BICD2: variants seen among roughly 807,000 people sequenced by gnomAD.
BICD2 encodes protein bicaudal D homolog 2.
In BICD2, 25 loss-of-function variants were observed where a neutral mutation model predicts 72.9. The observed-to-expected ratio is 0.34, with a 90% CI of 0.25 to 0.48. The LOEUF (loss-of-function observed/expected upper bound fraction) is 0.48, where lower values mean the gene tolerates loss of function less well. BICD2 is among the 20% of genes least tolerant of loss of function. BICD2 has a pLI of 0.99. For missense variants in BICD2, 894 were observed against 1,175.2 expected, an observed-to-expected ratio of 0.76 and a Z score of 3.50; for synonymous variants, 501 against 516.1, an observed-to-expected ratio of 0.97 and a Z score of 0.40.
chr9:92,746,704 C>T (rs998706172), intron 1 of BICD2, among the ~76,000 whole-genome samples: 6 of 152,100 alleles, frequency 3.9e-5, no homozygotes, highest in Admixed American at 3.9e-4. Context: ...ATACAAGTAA[C>T]CGTCGTGATG....
rs1290964313 is a variant in BICD2 at position 92,712,201 on chromosome 9, G to A, written c.*2953C>T. On this transcript the variant is annotated 3_prime_UTR_variant, in exon 7 of 7. Transcript: ENST00000356884. Reference sequence around the variant, plus strand: ...CATTTGGTTCCCAAAGCACACTCAAGGTTTTGTGTTTGCTTTCATTTTCTA... The same window carrying A: ...CATTTGGTTCCCAAAGCACACTCAAAGTTTTGTGTTTGCTTTCATTTTCTA... The A allele has an allele frequency of 6.6e-6, 1 of 152,614 alleles. No homozygotes were observed. The highest frequency in any genetic ancestry group is 1.5e-5 in the Non-Finnish European group (1 of 68,034). The allele number at this position is 152,614 out of a possible 1,614,324, so 9.5% of individuals were successfully genotyped here.
In BICD2 at chr9:92,713,581, ACCTGCATGTGTTAGCAGGGGT is replaced by A; in HGVS notation, c.*1552_*1572del. On this transcript the variant is annotated 3_prime_UTR_variant, in exon 7 of 7. Coordinates refer to ENST00000356884, the MANE Select transcript of BICD2 (RefSeq NM_001003800.2). ...AGCACGTTAGTTGGCAGAAGAGAAG[ACCTGCATGTGTTAGCAGGGGT>A]CCCAGTGGCTTGGGTGTCTGCAAAG... 13 of 1,540,128 alleles carry A rather than the reference ACCTGCATGTGTTAGCAGGGGT, an allele frequency of 8.4e-6. No homozygotes were observed. Among genetic ancestry groups the A allele is most frequent in the Non-Finnish European group, 1.1e-5 (13 of 1,139,850 alleles).
Position 92,713,753 on chromosome 9 carries a change from G to T in BICD2, c.*1401C>A, listed in dbSNP as rs904201924. 8 of 1,325,676 alleles carry T rather than the reference G, an allele frequency of 6.0e-6. No homozygotes were observed. The Admixed American group carries it at 2.5e-4, about 42-fold the overall frequency. The allele number at this position is 1,325,676 out of a possible 1,614,324, so 82.1% of individuals were successfully genotyped here. ...GCTGGGGCAGGGGGATCTGGGCCCA[G>T]GATGAACACGCAGGGGACATACATG... is the stretch of plus-strand genomic sequence containing the variant. On this transcript the variant is annotated 3_prime_UTR_variant, in exon 7 of 7. Transcript: ENST00000356884.
At chr9:92,715,991 C>T (rs993302605) in intron 6 of BICD2, among the ~76,000 whole-genome samples, 2 of 152,240 alleles carry the variant, frequency 1.3e-5, no homozygotes, top group East Asian at 3.9e-4. Context: ...CGTGTGTGGA[C>T]GCCATCAACA....
In BICD2 at chr9:92,717,963, T is replaced by C. The variant is rs201695979; in HGVS notation, c.2107-15A>G. Reference sequence around the variant, plus strand: ...ACCTCGGCCGTCTGGGGGACAGATGTGTAGGGTGGAAAAGTGAAAGGCGTG... The same window carrying C: ...ACCTCGGCCGTCTGGGGGACAGATGCGTAGGGTGGAAAAGTGAAAGGCGTG... On this transcript the variant is annotated splice_polypyrimidine_tract_variant and intron_variant, in intron 5 of 6. Coordinates refer to ENST00000356884, the MANE Select transcript of BICD2 (RefSeq NM_001003800.2). 9.3e-6 allele frequency: 15 copies of C among 1,610,258 alleles called. No individual in the cohort carries two copies. The highest frequency in any genetic ancestry group is 3.7e-4 in the Middle Eastern group (2 of 5,460).
intron 1 of BICD2, among the ~76,000 whole-genome samples, chr9:92,763,031 T>C (rs1854402724): frequency 2.0e-5 from 3 of 152,158 alleles, no homozygotes; most frequent in South Asian, 4.1e-4. Flanking sequence ...CTCACCCCTC[T>C]TGTAGCTCCA....
At position 92,713,574 on chromosome 9, in the gene BICD2, A is replaced by G. The variant is rs1853236516; in HGVS notation, c.*1580T>C. 4 of 1,542,634 alleles carry G rather than the reference A, an allele frequency of 2.6e-6. No homozygotes were observed. Among genetic ancestry groups the G allele is most frequent in the Non-Finnish European group, 3.5e-6 (4 of 1,141,602 alleles). ...GGGCGCGAGCACGTTAGTTGGCAGA[A>G]GAGAAGACCTGCATGTGTTAGCAGG... On this transcript the variant is annotated 3_prime_UTR_variant, in exon 7 of 7. Transcript: ENST00000356884.
At position 92,713,386 on chromosome 9, in the gene BICD2, G is replaced by C; in HGVS notation, c.*1768C>G. ...GGTTGCCCTTCCTTCCTCCTTGTGGGCCACGAGAGGGAAGGGGAAGGGGCT... is the reference window on the plus strand; with the variant it reads ...GGTTGCCCTTCCTTCCTCCTTGTGGCCCACGAGAGGGAAGGGGAAGGGGCT... On this transcript the variant is annotated 3_prime_UTR_variant, in exon 7 of 7. Coordinates refer to ENST00000356884, the MANE Select transcript of BICD2 (RefSeq NM_001003800.2). 1 of 1,514,770 alleles carries C rather than the reference G, an allele frequency of 6.6e-7. No homozygotes were observed. Among genetic ancestry groups the C allele is most frequent in the South Asian group, 1.2e-5 (1 of 84,094 alleles). The allele number at this position is 1,514,770 out of a possible 1,614,324, so 93.8% of individuals were successfully genotyped here. A position where few individuals can be genotyped will look rare whatever the true frequency, so the allele number is the denominator to read the frequency against.
chr9:92,733,587 T>C (rs1203674236), intron 1 of BICD2, among the ~76,000 whole-genome samples: 2 of 151,690 alleles, frequency 1.3e-5, no homozygotes, highest in African/African-American at 4.8e-5. Context: ...TGCAAAATAA[T>C]GAAGCTGAAC....
chr9:92,758,891 G>A (rs894566078), intron 1 of BICD2, among the ~76,000 whole-genome samples: 2 of 151,412 alleles, frequency 1.3e-5, no homozygotes, highest in African/African-American at 4.9e-5. Flanking sequence ...AGGCGTGGTA[G>A]CTCACATCTC....
intron 1 of BICD2, among the ~76,000 whole-genome samples, chr9:92,761,010 C>T (rs536872919): frequency 2.0e-5 from 3 of 152,322 alleles, no homozygotes; most frequent in East Asian, 1.9e-4. Context: ...CTGCCAATCA[C>T]CCTATTGCCC....
At chr9:92,758,978 TGA>T (rs1472087452) in intron 1 of BICD2, among the ~76,000 whole-genome samples, 4 of 152,092 alleles carry the variant, frequency 2.6e-5, no homozygotes, top group Non-Finnish European at 4.4e-5. Flanking sequence ...GGCAACACAG[TGA>T]GACCCTGACT....
Position 92,725,256 on chromosome 9 carries a change from C to A in BICD2, c.454-2448G>T, listed in dbSNP as rs1186998703. ...GCCCAGGCAAGGTGTACTAGGAGTT[C>A]TGTCCTTGCACCACTGCCAAACCCA... On this transcript the variant is annotated intron_variant, in intron 2 of 6. Coordinates refer to ENST00000356884, the MANE Select transcript of BICD2 (RefSeq NM_001003800.2). 3.3e-5 allele frequency among the ~76,000 whole-genome samples: 5 copies of A among 152,360 alleles called. No homozygotes were observed. The South Asian group carries it at 6.2e-4, about 19-fold the overall frequency.
chr9:92,720,735 C>T lies in BICD2; in HGVS notation c.627G>A (p.Lys209=), dbSNP rs1853448701. ...RQNQVEFEGL[K]HEIKRLEEET... ...CCTCCTCCAGACGCTTGATCTCATG[C>T]TTGAGGCCCTCAAACTCCACCTGGG... Residue 209 remains lysine, a synonymous_variant, in exon 4 of 7, where the codon AAG becomes AAA. Transcript: ENST00000356884. This position sits in a 1 kb window ranked among gnomAD's most constrained non-coding sequence, Gnocchi z 5.4. The T allele has an allele frequency of 1.2e-6, 2 of 1,613,758 alleles. No individual in the cohort carries two copies. The highest frequency in any genetic ancestry group is 1.7e-6 in the Non-Finnish European group (2 of 1,179,738).
In BICD2 at chr9:92,718,824, G is replaced by A; in HGVS notation, c.1821C>T (p.Pro607=). The stretch of plus-strand genomic sequence containing the variant: ...GTGATGGCAGTGAGGAGCCAGGCGA[G>A]GGGCTGCTGTCCCCCGTCCCACCAT... ...RADGGTGDSS[P]SPGSSLPSPL... is the part of the protein sequence containing the mutation. Residue 607 remains proline, a synonymous_variant, in exon 5 of 7, where the codon CCC becomes CCT. Coordinates refer to ENST00000356884, the MANE Select transcript of BICD2 (RefSeq NM_001003800.2). The A allele has an allele frequency of 1.2e-6, 2 of 1,612,126 alleles. No individual in the cohort carries two copies. The highest frequency in any genetic ancestry group is 1.7e-6 in the Non-Finnish European group (2 of 1,179,442).
intron 1 of BICD2, 117 bp from the exon 2 acceptor site, chr9:92,729,353 T>G: frequency 1.7e-6 from 2 of 1,147,558 alleles, no homozygotes; most frequent in Non-Finnish European, 2.5e-6. Context: ...ACGGGGACTG[T>G]GGGCCTGAAG....
At chr9:92,723,570 G>A (rs149591992) in intron 2 of BICD2, among the ~76,000 whole-genome samples, 2,885 of 152,290 alleles carry the variant, frequency 0.019, 39 homozygotes, top group Non-Finnish European at 0.029. Flanking sequence ...AGGGGGATGG[G>A]GAGTGACTGA....
In BICD2 at chr9:92,720,809, G is replaced by C. The variant is rs1395242453; in HGVS notation, c.607-54C>G. On this transcript the variant is annotated intron_variant, in intron 3 of 6. Coordinates refer to ENST00000356884, the MANE Select transcript of BICD2 (RefSeq NM_001003800.2). This position sits in a 1 kb window ranked among gnomAD's most constrained non-coding sequence, Gnocchi z 5.4. ...CAATGCAATGTGGAAGCTCCTTTCA[G>C]GCCCCATAAATGAAGAAAACACACC... The C allele has an allele frequency of 6.4e-7, 1 of 1,557,612 alleles. No homozygotes were observed. Among genetic ancestry groups the C allele is most frequent in the East Asian group, 2.3e-5 (1 of 44,358 alleles).
rs2131542346 is a variant in BICD2, at chr9:92,764,366, C to T, written c.240+139G>A. On this transcript the variant is annotated intron_variant, in intron 1 of 6. Transcript: ENST00000356884. The surrounding 1 kb of genome is among the most constrained non-coding windows in gnomAD (Gnocchi z 5.5). ...AGGCCGGGCCCACTCCCACATACTG[C>T]CCGTGCCCCCTCCGCCCCGGCGGCC... 2 of 1,231,386 alleles carry T rather than the reference C, an allele frequency of 1.6e-6. No homozygotes were observed. Among genetic ancestry groups the T allele is most frequent in the African/African-American group, 3.2e-5 (2 of 62,250 alleles). 76.3% of individuals were successfully genotyped at this position (1,231,386 alleles called of 1,614,324 possible).
Sources: allele counts gnomAD v4.1 joint callset (sites outside exome capture counted in the v4.1 genomes callset), GRCh38; gene constraint gnomAD v4.1.1; non-coding constraint Gnocchi (gnomAD v3.1); transcripts MANE v1.5; gene names NCBI Gene and HGNC (gene_info 2026-07-23, HGNC 2026-07-21).